The following PIWIL2 variants were observed in gnomAD, a reference collection of about 807,000 sequenced individuals.
PIWIL2 encodes piwi-like protein 2.
In PIWIL2, 81 loss-of-function variants were observed where a neutral mutation model predicts 116.5. That is an observed-to-expected ratio of 0.70 (90% CI 0.58 to 0.84). The LOEUF (loss-of-function observed/expected upper bound fraction) is 0.84. Among genes scored for constraint, PIWIL2 ranks in the 40% least tolerant of loss-of-function variants. PIWIL2 has a pLI of 0.00. For synonymous variants in PIWIL2, 489 were observed against 429.5 expected (o/e 1.14, Z -1.71); for missense variants, 1,272 against 1,212.3 (o/e 1.05, Z -0.73).
chr8:22,290,251 C>G lies in PIWIL2; in HGVS notation c.1086C>G (p.Gly362=), dbSNP rs745337659. 6.2e-6 allele frequency: 10 copies of G among 1,608,078 alleles called. No homozygotes were observed. The South Asian group carries it at 1.1e-4, about 18-fold the overall frequency. The change falls in exon 10 of 23, where the codon GGC becomes GGG. Residue 362 remains glycine (G), a synonymous_variant. Coordinates refer to ENST00000356766, the MANE Select transcript of PIWIL2 (RefSeq NM_018068.5). The part of the protein sequence containing the change: ...LQQHRLQIWP[G]YAASIRRTDG... ...TCTCCAGATTGCAGATCTGGCCAGG[C>G]TATGCAGCTAGCATCCGAAGGACAG...
At chr8:22,279,289 T>C in intron 1 of PIWIL2, 52 bp from the exon 2 acceptor site, 1 of 986,462 alleles carries the variant, frequency 1.0e-6, no homozygotes, top group East Asian at 2.4e-5. Context: ...GAGTGTGTCT[T>C]GAAGGAAAAG....
chr8:22,337,783 C>CAG (rs557437795), intron 20 of PIWIL2, among the ~76,000 whole-genome samples: 51 of 151,368 alleles, frequency 3.4e-4, no homozygotes, highest in African/African-American at 1.2e-3. Flanking sequence ...CTGGAAATGA[C>CAG]AGAGCATTGT....
intron 18 of PIWIL2, among the ~76,000 whole-genome samples, chr8:22,315,691 T>G (rs1831441941): frequency 6.6e-6 from 1 of 152,168 alleles, no homozygotes; most frequent in Non-Finnish European, 1.5e-5. Flanking sequence ...TTATATGAAG[T>G]GAGTTTTCAG....
At chr8:22,311,060 GT>G in intron 15 of PIWIL2, 51 bp from the exon 16 acceptor site, 1 of 1,433,984 alleles carries the variant, frequency 7.0e-7, no homozygotes, top group Non-Finnish European at 9.6e-7. Context: ...TTAAGTATGA[GT>G]TTGGGATATT....
At position 22,281,521 on chromosome 8, in the gene PIWIL2, T is replaced by C; in HGVS notation, c.425+6T>C. The C allele has an allele frequency of 6.4e-7, 1 of 1,561,534 alleles. No homozygotes were observed. The highest frequency in any genetic ancestry group is 1.7e-4 in the Middle Eastern group (1 of 5,776). On this transcript the variant is annotated splice_donor_region_variant and intron_variant, in intron 4 of 22. Transcript: ENST00000356766. ...ACCTCCGTTGGTTGGAGTAGGTGGG[T>C]AAAGTTACCCTCTCAGGTAACTATC...
chr8:22,324,873 A>G (rs1364801712), intron 20 of PIWIL2, among the ~76,000 whole-genome samples: 1 of 152,204 alleles, frequency 6.6e-6, no homozygotes, highest in Non-Finnish European at 1.5e-5. Context: ...CTGTAAGCCA[A>G]GAGACACCTG....
At chr8:22,348,634 G>C (rs1046826832) in intron 20 of PIWIL2, among the ~76,000 whole-genome samples, 20 of 152,194 alleles carry the variant, frequency 1.3e-4, no homozygotes, top group African/African-American at 4.6e-4. Context: ...AGCCGGGCTT[G>C]ATGGCACATC....
Position 22,357,412 on chromosome 8 carries a change from A to G in PIWIL2, c.*1907A>G, listed in dbSNP as rs980010724. ...TTTTCTGTTGAAGTTGGATTTCCTAATACTTTTTTTCTCTTAGATAATCAG... is the reference window on the plus strand; with the variant it reads ...TTTTCTGTTGAAGTTGGATTTCCTAGTACTTTTTTTCTCTTAGATAATCAG... On this transcript the variant is annotated 3_prime_UTR_variant, in exon 23 of 23. Coordinates refer to ENST00000356766, the MANE Select transcript of PIWIL2 (RefSeq NM_018068.5). The G allele has an allele frequency of 3.9e-5, 6 of 152,192 alleles. No homozygotes were observed. The highest frequency in any genetic ancestry group is 9.7e-5 in the African/African-American group (4 of 41,448). 9.4% of individuals were successfully genotyped at this position (152,192 alleles called of 1,614,324 possible).
At position 22,283,258 on chromosome 8, in the gene PIWIL2, C is replaced by T; in HGVS notation, c.632+18C>T. 2 of 1,563,840 alleles carry T rather than the reference C, an allele frequency of 1.3e-6. No individual in the cohort carries two copies. The highest frequency in any genetic ancestry group is 1.8e-6 in the Non-Finnish European group (2 of 1,134,934). The stretch of plus-strand genomic sequence containing the variant: ...AAGGAAAAGTAAGTCAGGAGCACTG[C>T]CTTCTCTACTTAGTAATGATCGTGA... On this transcript the variant is annotated intron_variant, in intron 5 of 22. Coordinates refer to ENST00000356766, the MANE Select transcript of PIWIL2 (RefSeq NM_018068.5).
At chr8:22,333,849 C>A (rs1001895489) in intron 20 of PIWIL2, among the ~76,000 whole-genome samples, 1 of 151,782 alleles carries the variant, frequency 6.6e-6, no homozygotes, top group African/African-American at 2.4e-5. Flanking sequence ...AACCTTAATT[C>A]GGTGAATTGT....
intron 16 of PIWIL2, among the ~76,000 whole-genome samples, chr8:22,314,022 A>G (rs1237091927): frequency 6.6e-6 from 1 of 152,242 alleles, no homozygotes. Flanking sequence ...CCTTGCATGC[A>G]TTCAAACCTG....
rs981999404 is a variant in PIWIL2 at position 22,354,198 on chromosome 8, G to A, written c.2658-73G>A. On this transcript the variant is annotated intron_variant, in intron 21 of 22. Transcript: ENST00000356766. ...GAGCTTTAGTTGAAGGAGCTAGAAC[G>A]ATCTCCAGGATCTTTGCCAGCTCTG... is the stretch of plus-strand genomic sequence containing the variant. 73 of 963,606 alleles carry A rather than the reference G, an allele frequency of 7.6e-5. No homozygotes were observed. In the East Asian group the frequency reaches 1.5e-3, roughly 19 times the overall value. The allele number at this position is 963,606 out of a possible 1,614,324, so 59.7% of individuals were successfully genotyped here.
chr8:22,308,450 C>G (rs866312818), intron 14 of PIWIL2, among the ~76,000 whole-genome samples: 1 of 151,780 alleles, frequency 6.6e-6, no homozygotes, highest in Non-Finnish European at 1.5e-5. Flanking sequence ...GTCAGGAGTT[C>G]GAGAAGAGCC....
chr8:22,283,390 GA>G (rs1830557668), intron 5 of PIWIL2, 150 bp downstream of exon 5: 2 of 638,646 alleles, frequency 3.1e-6, no homozygotes, highest in African/African-American at 1.8e-5. Flanking sequence ...GTGGGAGATT[GA>G]CAAAGAGATA....
At chr8:22,352,800 G>T in intron 20 of PIWIL2, 159 bp from the exon 21 acceptor site, 1 of 648,942 alleles carries the variant, frequency 1.5e-6, no homozygotes, top group East Asian at 2.7e-5. Context: ...GAAATGATTA[G>T]AAGCTTTTTT....
At chr8:22,339,274 G>A (rs184543264) in intron 20 of PIWIL2, among the ~76,000 whole-genome samples, 2 of 152,254 alleles carry the variant, frequency 1.3e-5, no homozygotes, top group Admixed American at 6.5e-5. Flanking sequence ...TTGGGAGGCC[G>A]AGGTGGGCAG....
intron 15 of PIWIL2, 76 bp from the exon 16 acceptor site, chr8:22,311,036 T>C: frequency 8.1e-7 from 1 of 1,235,290 alleles, no homozygotes; most frequent in South Asian, 1.5e-5. Context: ...TAATTTATTC[T>C]CTAGAATGAA....
At position 22,284,165 on chromosome 8, in the gene PIWIL2, G is replaced by T; in HGVS notation, c.636G>T (p.Glu212Asp). ...LVLTVEHKEK[E>D]LIVKQGSKGT... Reference sequence around the variant, plus strand: ...GCTTTTTGTTTTTATTTTCTAGAGAGCTTATTGTGAAGCAAGGATCAAAAG... The same window carrying T: ...GCTTTTTGTTTTTATTTTCTAGAGATCTTATTGTGAAGCAAGGATCAAAAG... Residue 212 changes from glutamate (E) to aspartate (D), a missense_variant, in exon 6 of 23, where the codon GAG becomes GAT. Transcript: ENST00000356766. 1 of 1,557,780 alleles carries T rather than the reference G, an allele frequency of 6.4e-7. No individual in the cohort carries two copies. The highest frequency in any genetic ancestry group is 8.7e-7 in the Non-Finnish European group (1 of 1,147,362).
chr8:22,317,000 A>T (rs1831475534), intron 19 of PIWIL2, among the ~76,000 whole-genome samples: 1 of 151,788 alleles, frequency 6.6e-6, no homozygotes, highest in African/African-American at 2.4e-5. Context: ...GGCTGGTCTC[A>T]AACTCCTGGG....
Sources: gnomAD v4.1 joint callset for allele counts (sites outside exome capture counted in the v4.1 genomes callset) on GRCh38, gnomAD v4.1.1 for gene constraint, MANE v1.5 for transcripts, NCBI Gene and HGNC (gene_info 2026-07-23, HGNC 2026-07-21) for gene names.